The following RALB variants were observed in gnomAD, a reference collection of about 807,000 sequenced individuals.
The protein encoded by RALB is ras-related protein Ral-B.
RALB carries 16 observed loss-of-function variants against 21.3 expected under a neutral mutation model. The observed-to-expected ratio is 0.75, with a 90% CI of 0.51 to 1.14. The LOEUF is 1.14. Ranked by LOEUF, RALB falls within the 50% of genes most tolerant of loss-of-function variation. RALB has a pLI of 0.00. For synonymous variants in RALB, 93 were observed against 96.1 expected (o/e 0.97, Z 0.19); for missense variants, 161 against 256.2 (o/e 0.63, Z 2.54).
At chr2:120,283,068 G>A (rs1245785296) in intron 2 of RALB, among the ~76,000 whole-genome samples, 1 of 152,050 alleles carries the variant, frequency 6.6e-6, no homozygotes, top group Non-Finnish European at 1.5e-5. Context: ...TGGAGAACTG[G>A]GACTCTTTCA....
At chr2:120,243,687 T>TG (rs1271102154) in intron 1 of RALB, among the ~76,000 whole-genome samples, 1 of 152,226 alleles carries the variant, frequency 6.6e-6, no homozygotes, top group Non-Finnish European at 1.5e-5. Context: ...TTCCTGGGCT[T>TG]GGGTAGGGTT....
intron 2 of RALB, among the ~76,000 whole-genome samples, chr2:120,284,805 C>T (rs1416801534): frequency 1.3e-5 from 2 of 152,206 alleles, no homozygotes; most frequent in African/African-American, 4.8e-5. Context: ...CCGTCCCACC[C>T]CTGGCCTCTG....
At chr2:120,244,472 G>T (rs949494676) in intron 1 of RALB, among the ~76,000 whole-genome samples, 2 of 152,224 alleles carry the variant, frequency 1.3e-5, no homozygotes, top group Non-Finnish European at 2.9e-5. Flanking sequence ...CAGAGCCTCA[G>T]CGGGAGACTG....
intron 4 of RALB, among the ~76,000 whole-genome samples, chr2:120,290,950 C>CT (rs1402007056): frequency 6.6e-6 from 1 of 152,190 alleles, no homozygotes; most frequent in African/African-American, 2.4e-5. Flanking sequence ...GACACGTCTG[C>CT]TTTTTGTTCT....
intron 1 of RALB, among the ~76,000 whole-genome samples, chr2:120,246,711 G>T (rs1229906068): frequency 2.0e-5 from 3 of 152,232 alleles, no homozygotes; most frequent in African/African-American, 7.2e-5. Flanking sequence ...GTGTGGCTGT[G>T]GTTCCCCAGG....
intron 1 of RALB, among the ~76,000 whole-genome samples, chr2:120,240,632 C>G (rs80113553): frequency 0.032 from 4,891 of 152,092 alleles, 122 homozygotes; most frequent in Non-Finnish European, 0.05. Flanking sequence ...CTGTGTGGTG[C>G]CAAAGTGATG....
chr2:120,289,121 G>C (rs547649898), intron 3 of RALB, among the ~76,000 whole-genome samples: 7 of 152,240 alleles, frequency 4.6e-5, no homozygotes, highest in Non-Finnish European at 8.8e-5. Flanking sequence ...CTTCCATATA[G>C]AAAACACTGG....
Position 120,293,346 on chromosome 2 carries a change from G to T in RALB, c.*86G>T, listed in dbSNP as rs1434816183. 2 of 1,368,160 alleles carry T rather than the reference G, an allele frequency of 1.5e-6. No homozygotes were observed. The highest frequency in any genetic ancestry group is 2.8e-5 in the East Asian group (1 of 35,838). 84.8% of individuals were successfully genotyped at this position (1,368,160 alleles called of 1,614,324 possible). A position where few individuals can be genotyped will look rare whatever the true frequency, so the allele number is the denominator to read the frequency against. ...GAAGGCTATGGTTGACTTCTTGCTTGTGCTTCCCACTCTCCCCGACTTCAT... is the reference window on the plus strand; with the variant it reads ...GAAGGCTATGGTTGACTTCTTGCTTTTGCTTCCCACTCTCCCCGACTTCAT... On this transcript the variant is annotated 3_prime_UTR_variant, in exon 5 of 5. Transcript: ENST00000272519.
upstream of RALB, among the ~76,000 whole-genome samples, chr2:120,251,587 T>C (rs1468143361): frequency 1.3e-5 from 2 of 152,230 alleles, no homozygotes; most frequent in Admixed American, 6.5e-5. Flanking sequence ...ACCTGTGCAC[T>C]TAACTGTTAC....
chr2:120,242,048 T>G (rs1020450275), intron 1 of RALB, among the ~76,000 whole-genome samples: 4 of 151,718 alleles, frequency 2.6e-5, no homozygotes, highest in Non-Finnish European at 5.9e-5. Flanking sequence ...ATAAACAGAG[T>G]GTGGCACACG....
At chr2:120,287,532 C>G (rs1054279979) in intron 3 of RALB, among the ~76,000 whole-genome samples, 1 of 152,238 alleles carries the variant, frequency 6.6e-6, no homozygotes, top group Non-Finnish European at 1.5e-5. Flanking sequence ...TGCACACACT[C>G]TCTTCTTTTC....
intron 1 of RALB, among the ~76,000 whole-genome samples, chr2:120,258,531 G>T (rs576298105): frequency 6.6e-6 from 1 of 152,324 alleles, no homozygotes; most frequent in East Asian, 1.9e-4. Flanking sequence ...AGCCTTTAAG[G>T]AGCGTTAAGC....
At chr2:120,290,632 C>CTTTTTT (rs34133052) in intron 4 of RALB, among the ~76,000 whole-genome samples, 1 of 148,414 alleles carries the variant, frequency 6.7e-6, no homozygotes. Flanking sequence ...TCTGGGATCT[C>CTTTTTT]TTTTTTTTTT....
chr2:120,283,090 C>T (rs1274134933), intron 2 of RALB, among the ~76,000 whole-genome samples: 4 of 151,906 alleles, frequency 2.6e-5, no homozygotes, highest in Non-Finnish European at 4.4e-5. Flanking sequence ...TGGTGCTCTT[C>T]TGGTGGTTCT....
At chr2:120,281,695 A>G (rs1573352292) in intron 2 of RALB, among the ~76,000 whole-genome samples, 2 of 152,228 alleles carry the variant, frequency 1.3e-5, no homozygotes, top group Non-Finnish European at 2.9e-5. Flanking sequence ...ACGTTTTTGC[A>G]TAAGAGAAGC....
intron 2 of RALB, chr2:120,280,755 C>A: frequency 3.6e-6 from 1 of 280,836 alleles, no homozygotes; most frequent in Middle Eastern, 4.2e-4. Flanking sequence ...CTGAAAGAAC[C>A]TCTTCTAAGC....
At chr2:120,291,392 G>A (rs2104668187) in intron 4 of RALB, among the ~76,000 whole-genome samples, 1 of 152,150 alleles carries the variant, frequency 6.6e-6, no homozygotes, top group South Asian at 2.1e-4. Flanking sequence ...TTATTTTCCA[G>A]CTGTGGAAAC....
Position 120,254,953 on chromosome 2 carries a change from AG to A in RALB, c.-48+1975del, listed in dbSNP as rs1489779144. Among the ~76,000 whole-genome samples the A allele has an allele frequency of 2.0e-5, 3 of 152,354 alleles. No homozygotes were observed. The East Asian group carries it at 5.8e-4, about 29-fold the overall frequency. On this transcript the variant is annotated intron_variant, in intron 1 of 4. Coordinates refer to ENST00000272519, the MANE Select transcript of RALB (RefSeq NM_002881.3). ...GGCCTCTCAAAGTGCTGGGGATCAC[AG>A]GTGTGAGCCACCCCGTCTGGCAGGG...
chr2:120,261,155 T>C (rs1179503751), intron 1 of RALB, among the ~76,000 whole-genome samples: 1 of 152,108 alleles, frequency 6.6e-6, no homozygotes, highest in Non-Finnish European at 1.5e-5. Context: ...TAGAAGGATA[T>C]ATGGGGGTCA....
Sources: gnomAD v4.1 joint callset for allele counts (sites outside exome capture counted in the v4.1 genomes callset) on GRCh38, gnomAD v4.1.1 for gene constraint, MANE v1.5 for transcripts, NCBI Gene and HGNC (gene_info 2026-07-23, HGNC 2026-07-21) for gene names.